The following MEGF11 variants were observed in gnomAD, a reference collection of about 807,000 sequenced individuals.
The protein encoded by MEGF11 is multiple EGF like domains 11.
Under a neutral mutation model 146.6 loss-of-function variants are expected in MEGF11, and 126 were observed. That is an observed-to-expected ratio of 0.86 (90% CI 0.74 to 1.00). The LOEUF (loss-of-function observed/expected upper bound fraction) is 1.00. Among genes scored for constraint, MEGF11 ranks in the 50% least tolerant of loss-of-function variants. MEGF11 has a pLI of 0.00. For synonymous variants in MEGF11, 532 were observed against 583.4 expected (o/e 0.91, Z 1.27); for missense variants, 1,509 against 1,521.2 (o/e 0.99, Z 0.13).
At position 66,253,660 on chromosome 15, in the gene MEGF11, G is replaced by T. The variant is rs2092408354; in HGVS notation, c.-64C>A. 6.6e-6 allele frequency: 1 copy of T among 151,590 alleles called. No individual in the cohort carries two copies. The highest frequency in any genetic ancestry group is 1.5e-5 in the Non-Finnish European group (1 of 67,878). 9.4% of individuals were successfully genotyped at this position (151,590 alleles called of 1,614,324 possible). ...GGCCAGTCGCGCGGTCCTGTCCTCCGGAGCCCGAGCCTGGCCAGAGCGCCA... is the reference window on the plus strand; with the variant it reads ...GGCCAGTCGCGCGGTCCTGTCCTCCTGAGCCCGAGCCTGGCCAGAGCGCCA... On this transcript the variant is annotated 5_prime_UTR_variant, in exon 1 of 26. Transcript: ENST00000395614.
intron 5 of MEGF11, among the ~76,000 whole-genome samples, chr15:65,999,232 G>T (rs547601950): frequency 1.3e-5 from 2 of 151,366 alleles, no homozygotes; most frequent in Admixed American, 1.3e-4. Flanking sequence ...GTCTCCCTAC[G>T]TTGCCCAGGC....
intron 7 of MEGF11, among the ~76,000 whole-genome samples, chr15:65,978,683 G>T (rs1220350563): frequency 1.3e-5 from 2 of 152,192 alleles, no homozygotes; most frequent in African/African-American, 4.8e-5. Flanking sequence ...AGCCTGCTGG[G>T]TGGATTTCTG....
intron 5 of MEGF11, among the ~76,000 whole-genome samples, chr15:66,052,225 C>G (rs2084477058): frequency 6.6e-6 from 1 of 152,128 alleles, no homozygotes; most frequent in Admixed American, 6.5e-5. Context: ...CCTCATTGCT[C>G]TCCAGGTGGG....
intron 1 of MEGF11, among the ~76,000 whole-genome samples, chr15:66,143,686 C>G (rs1445903067): frequency 2.6e-5 from 4 of 152,188 alleles, no homozygotes; most frequent in Admixed American, 6.5e-5. Context: ...AAGTCACAGC[C>G]TGATCCTATT....
intron 10 of MEGF11, among the ~76,000 whole-genome samples, chr15:65,952,033 A>G (rs8028165): frequency 0.1 from 15,609 of 152,204 alleles, 937 homozygotes; most frequent in Middle Eastern, 0.18. Flanking sequence ...ATATTTTGAG[A>G]GGCCACATTC....
intron 1 of MEGF11, among the ~76,000 whole-genome samples, chr15:66,246,009 C>T (rs997785975): frequency 6.6e-6 from 1 of 152,048 alleles, no homozygotes; most frequent in African/African-American, 2.4e-5. Flanking sequence ...TCCTGTAATC[C>T]CAGCACTTTG....
chr15:66,218,562 G>A (rs2091644710), intron 1 of MEGF11, among the ~76,000 whole-genome samples: 1 of 152,170 alleles, frequency 6.6e-6, no homozygotes. Context: ...GGAGGCACTG[G>A]AGCGGGGATG....
intron 5 of MEGF11, among the ~76,000 whole-genome samples, chr15:66,043,185 C>A (rs1221512308): frequency 1.3e-5 from 2 of 152,254 alleles, no homozygotes; most frequent in African/African-American, 2.4e-5. Flanking sequence ...TTCCCTCTGA[C>A]TCCAGCAGGT....
At position 66,059,670 on chromosome 15, in the gene MEGF11, G is replaced by A. The variant is rs75467019; in HGVS notation, c.394+34732C>T. 3.8e-4 allele frequency among the ~76,000 whole-genome samples: 58 copies of A among 152,090 alleles called. 1 individual carries two copies. The East Asian group carries it at 0.01, about 27-fold the overall frequency. On this transcript the variant is annotated intron_variant, in intron 5 of 25. Coordinates refer to ENST00000395614, the MANE Select transcript of MEGF11 (RefSeq NM_001385028.1). ...AAATATGAACTGTGCTGGCTGAGGA[G>A]TGGAGAGGGTGAGCAGAGGGAGAGA...
chr15:65,897,072 A>G lies in MEGF11; in HGVS notation c.*862T>C, dbSNP rs560908784. On this transcript the variant is annotated 3_prime_UTR_variant, in exon 26 of 26. Coordinates refer to ENST00000395614, the MANE Select transcript of MEGF11 (RefSeq NM_001385028.1). ...AGCCGTCTTTTACTTAATCCCGACC[A>G]GTCTATGACTGCTTGCTTAAAGGAT... The G allele has an allele frequency of 6.6e-6, 1 of 152,338 alleles. No individual in the cohort carries two copies. Among genetic ancestry groups the G allele is most frequent in the African/African-American group, 2.4e-5 (1 of 41,584 alleles). The allele number at this position is 152,338 out of a possible 1,614,324, so 9.4% of individuals were successfully genotyped here.
intron 9 of MEGF11, among the ~76,000 whole-genome samples, chr15:65,961,274 C>T (rs186447352): frequency 8.5e-5 from 13 of 152,048 alleles, no homozygotes; most frequent in Admixed American, 4.6e-4. Context: ...AGCCTGGTTC[C>T]GTTCTCTCTG....
At chr15:66,211,255 G>A (rs529831067) in intron 1 of MEGF11, among the ~76,000 whole-genome samples, 6 of 152,332 alleles carry the variant, frequency 3.9e-5, no homozygotes, top group Admixed American at 2.6e-4. Context: ...CGGGCTTGGT[G>A]GCTCACGCCT....
chr15:65,914,793 T>C (rs1259132259), intron 19 of MEGF11, among the ~76,000 whole-genome samples: 1 of 152,226 alleles, frequency 6.6e-6, no homozygotes, highest in Non-Finnish European at 1.5e-5. Context: ...TGTGAATAAT[T>C]GAGAGCCCAT....
chr15:66,125,938 CCT>C (rs1475187743), intron 2 of MEGF11, among the ~76,000 whole-genome samples: 1 of 152,160 alleles, frequency 6.6e-6, no homozygotes, highest in Non-Finnish European at 1.5e-5. Flanking sequence ...TGCAAGATGC[CCT>C]GGGCCGAACG....
chr15:66,044,613 T>C (rs2084119777), intron 5 of MEGF11, among the ~76,000 whole-genome samples: 1 of 151,812 alleles, frequency 6.6e-6, no homozygotes, highest in Non-Finnish European at 1.5e-5. Flanking sequence ...TTTGGGAGAC[T>C]GAGAATTGCT....
At chr15:66,081,591 C>T (rs2085858921) in intron 5 of MEGF11, among the ~76,000 whole-genome samples, 1 of 152,138 alleles carries the variant, frequency 6.6e-6, no homozygotes. Context: ...GTTGGCCAGG[C>T]TGGTCTCGAA....
At chr15:66,023,102 C>G (rs559347955) in intron 5 of MEGF11, among the ~76,000 whole-genome samples, 9 of 145,404 alleles carry the variant, frequency 6.2e-5, no homozygotes, top group Admixed American at 2.1e-4. Context: ...GATTATCCCA[C>G]TGCATTCCAG....
chr15:65,927,329 C>T (rs570501600), intron 13 of MEGF11, among the ~76,000 whole-genome samples: 3 of 152,190 alleles, frequency 2.0e-5, no homozygotes, highest in East Asian at 1.9e-4. Context: ...GGTCATAAAC[C>T]CCAGCAGTCT....
At chr15:66,098,053 C>T (rs1038675586) in intron 4 of MEGF11, among the ~76,000 whole-genome samples, 2 of 152,204 alleles carry the variant, frequency 1.3e-5, no homozygotes, top group African/African-American at 4.8e-5. Context: ...CTTTGGCTGA[C>T]TGATTCAAGC....
Sources: gnomAD v4.1 joint callset for allele counts (sites outside exome capture counted in the v4.1 genomes callset) on GRCh38, gnomAD v4.1.1 for gene constraint, MANE v1.5 for transcripts, NCBI Gene and HGNC (gene_info 2026-07-23, HGNC 2026-07-21) for gene names.